The following KAT7 variants were observed in gnomAD, a reference collection of about 807,000 sequenced individuals.
KAT7 encodes the protein lysine acetyltransferase 7.
In KAT7, 10 loss-of-function variants were observed where a neutral mutation model predicts 82.1. The ratio of observed to expected loss-of-function variants is 0.12; its 90% CI spans 0.08 to 0.21. The LOEUF is 0.21. Among genes scored for constraint, KAT7 ranks in the 10% least tolerant of loss-of-function variants. The probability of loss-of-function intolerance (pLI) is 1.00; values close to 1 mark genes in which losing one functional copy is unlikely to be tolerated. For synonymous variants in KAT7, 250 were observed against 262.5 expected, an observed-to-expected ratio of 0.95 and a Z score of 0.46; for missense variants, 378 against 760.9, an observed-to-expected ratio of 0.50 and a Z score of 5.92.
At chr17:49,789,112 T>C in intron 1 of KAT7, 1 of 358,096 alleles carries the variant, frequency 2.8e-6, no homozygotes, top group Non-Finnish European at 5.1e-6. Context: ...TCTGGAAGCA[T>C]ATTGATTGGC....
chr17:49,799,621 C>T (rs562075495), intron 4 of KAT7, among the ~76,000 whole-genome samples: 9 of 152,222 alleles, frequency 5.9e-5, no homozygotes, highest in Admixed American at 4.6e-4. Context: ...ATGATCTGCA[C>T]GCCTTGGCCT....
rs2074373378 is a variant in KAT7 at position 49,826,777 on chromosome 17, A to G, written c.1712A>G (p.Lys571Arg). 1 of 1,610,732 alleles carries G rather than the reference A, an allele frequency of 6.2e-7. No individual in the cohort carries two copies. Among genetic ancestry groups the G allele is most frequent in the Non-Finnish European group, 8.5e-7 (1 of 1,177,484 alleles). ...CAGATGCTCAAATACTGGAAGGGAA[A>G]ACACCTAGTTTTAAAGAGACAGGTA... Reference protein sequence around the residue: ...ALQMLKYWKGKHLVLKRQDLI... With the variant: ...ALQMLKYWKGRHLVLKRQDLI... The change falls in exon 14 of 15, where the codon AAA becomes AGA. Residue 571 changes from lysine (K) to arginine (R), a missense_variant. Coordinates refer to ENST00000259021, the MANE Select transcript of KAT7 (RefSeq NM_007067.5).
chr17:49,818,111 A>G (rs2074256297), intron 9 of KAT7, 100 bp downstream of exon 9: 2 of 868,002 alleles, frequency 2.3e-6, no homozygotes, highest in Non-Finnish European at 3.7e-6. Context: ...GCACCTTCTC[A>G]GTGGTCCTCA....
chr17:49,805,021 G>A (rs982963409), intron 4 of KAT7, among the ~76,000 whole-genome samples: 1 of 152,216 alleles, frequency 6.6e-6, no homozygotes, highest in Admixed American at 6.5e-5. Context: ...GTATAGGAGA[G>A]TTACATTCCA....
intron 12 of KAT7, among the ~76,000 whole-genome samples, chr17:49,824,272 T>C (rs955363452): frequency 2.0e-5 from 3 of 152,226 alleles, no homozygotes; most frequent in South Asian, 2.1e-4. Context: ...CTGTGTGTTA[T>C]TCTATATTTG....
intron 9 of KAT7, among the ~76,000 whole-genome samples, chr17:49,819,232 G>A (rs1049363677): frequency 6.6e-6 from 1 of 152,130 alleles, no homozygotes; most frequent in Non-Finnish European, 1.5e-5. Context: ...CAGTTCAGGA[G>A]CATGTGGTCT....
Position 49,829,585 on chromosome 17 carries a change from A to G in KAT7, c.*2083A>G, listed in dbSNP as rs1018021011. On this transcript the variant is annotated 3_prime_UTR_variant, in exon 15 of 15. Transcript: ENST00000259021. ...TCTTTTTGAAAATAGCTGCATTTTCATGTAAGATATACCCAGCACAGGAAA... is the reference window on the plus strand; with the variant it reads ...TCTTTTTGAAAATAGCTGCATTTTCGTGTAAGATATACCCAGCACAGGAAA... The G allele has an allele frequency of 1.3e-5, 2 of 152,172 alleles. No individual in the cohort carries two copies. Among genetic ancestry groups the G allele is most frequent in the Non-Finnish European group, 2.9e-5 (2 of 68,028 alleles). 9.4% of individuals were successfully genotyped at this position (152,172 alleles called of 1,614,324 possible).
At chr17:49,812,909 G>A (rs2074186361) in intron 7 of KAT7, among the ~76,000 whole-genome samples, 1 of 151,572 alleles carries the variant, frequency 6.6e-6, no homozygotes, top group Admixed American at 6.6e-5. Flanking sequence ...CACCATGTTG[G>A]CCAGGCTGGT....
chr17:49,826,613 AG>A (rs2143997742), intron 13 of KAT7, 79 bp from the exon 14 acceptor site: 1 of 866,478 alleles, frequency 1.2e-6, no homozygotes, highest in Admixed American at 1.9e-5. Flanking sequence ...ATTTCCTTTA[AG>A]GGAAAGTAGA....
At chr17:49,804,582 C>T (rs1455937414) in intron 4 of KAT7, among the ~76,000 whole-genome samples, 1 of 151,996 alleles carries the variant, frequency 6.6e-6, no homozygotes, top group East Asian at 1.9e-4. Flanking sequence ...TCAAGACCAG[C>T]CTGGGCAACA....
chr17:49,792,116 A>G, intron 2 of KAT7, 83 bp downstream of exon 2: 4 of 1,386,834 alleles, frequency 2.9e-6, no homozygotes, highest in South Asian at 1.2e-5. Flanking sequence ...TAATGTGGAA[A>G]CTGGCCCCTT....
chr17:49,810,951 A>G (rs1001263401), intron 6 of KAT7, among the ~76,000 whole-genome samples: 2 of 152,024 alleles, frequency 1.3e-5, no homozygotes, highest in Non-Finnish European at 2.9e-5. Flanking sequence ...GTGAGCCGCG[A>G]TCGTGCCGCT....
At position 49,814,499 on chromosome 17, in the gene KAT7, G is replaced by A. The variant is rs79497743; in HGVS notation, c.853-1304G>A. On this transcript the variant is annotated intron_variant, in intron 7 of 14. Transcript: ENST00000259021. ...GTTCCTTTGATCTTTTAACAGTCCA[G>A]TATGATTGGTGATATTTCCCATATT... 6.5e-3 allele frequency among the ~76,000 whole-genome samples: 985 copies of A among 152,310 alleles called. 11 individuals carry two copies. The highest frequency in any genetic ancestry group is 0.023 in the African/African-American group (942 of 41,544).
At chr17:49,811,837 A>G (rs1488812121) in intron 7 of KAT7, among the ~76,000 whole-genome samples, 2 of 152,252 alleles carry the variant, frequency 1.3e-5, no homozygotes, top group African/African-American at 2.4e-5. Context: ...CATAAATTTT[A>G]CTTTCATCTT....
intron 8 of KAT7, among the ~76,000 whole-genome samples, chr17:49,816,368 A>G (rs761076479): frequency 1.3e-5 from 2 of 152,262 alleles, no homozygotes; most frequent in Non-Finnish European, 2.9e-5. Flanking sequence ...CAGATGTTTT[A>G]GAATTAATCT....
At chr17:49,821,560 A>G (rs2074303953) in intron 10 of KAT7, 90 bp from the exon 11 acceptor site, 1 of 1,531,488 alleles carries the variant, frequency 6.5e-7, no homozygotes, top group Non-Finnish European at 9.0e-7. Context: ...AATGTGTTTC[A>G]TTAATAATTA....
At chr17:49,803,124 T>C (rs1485048480) in intron 4 of KAT7, among the ~76,000 whole-genome samples, 1 of 152,012 alleles carries the variant, frequency 6.6e-6, no homozygotes, top group Non-Finnish European at 1.5e-5. Flanking sequence ...TTTTTTTTTT[T>C]CTGAGACGGA....
In KAT7 at chr17:49,826,801, T is replaced by C; in HGVS notation, c.1734+2T>C. On this transcript the variant is annotated splice_donor_variant, in intron 14 of 14. Coordinates refer to ENST00000259021, the MANE Select transcript of KAT7 (RefSeq NM_007067.5). LOFTEE classifies it high-confidence loss of function. ...AAACACCTAGTTTTAAAGAGACAGG[T>C]AAGGTTCTCATCAGGGGCTTGCTCA... 1 of 1,589,458 alleles carries C rather than the reference T, an allele frequency of 6.3e-7. No homozygotes were observed. The highest frequency in any genetic ancestry group is 8.6e-7 in the Non-Finnish European group (1 of 1,158,264).
intron 6 of KAT7, 147 bp downstream of exon 6, chr17:49,809,355 C>T: frequency 3.2e-6 from 2 of 632,166 alleles, no homozygotes; most frequent in Non-Finnish European, 5.6e-6. Flanking sequence ...GTTTTTCAAA[C>T]AGTAAATTTT....
Sources: allele counts gnomAD v4.1 joint callset (sites outside exome capture counted in the v4.1 genomes callset), GRCh38; gene constraint gnomAD v4.1.1; transcripts MANE v1.5; gene names NCBI Gene and HGNC (gene_info 2026-07-23, HGNC 2026-07-21).